The following FER variants were observed in gnomAD, a reference collection of about 807,000 sequenced individuals.
FER encodes the protein tyrosine-protein kinase Fer.
Under a neutral mutation model 111.0 loss-of-function variants are expected in FER, and 63 were observed. The ratio of observed to expected loss-of-function variants is 0.57; its 90% CI spans 0.46 to 0.70. The LOEUF is 0.70. FER is among the 30% of genes least tolerant of loss of function. FER has a pLI of 0.00. For synonymous variants in FER, 327 were observed against 313.9 expected (o/e 1.04, Z -0.44); for missense variants, 914 against 954.0 (o/e 0.96, Z 0.55).
chr5:108,883,014 G>C (rs181601556), intron 8 of FER, among the ~76,000 whole-genome samples: 1 of 151,854 alleles, frequency 6.6e-6, no homozygotes, highest in East Asian at 1.9e-4. Context: ...GTTGTGAAGA[G>C]TAAATGAGAT....
intron 5 of FER, among the ~76,000 whole-genome samples, chr5:108,859,386 C>T (rs1319529828): frequency 2.6e-5 from 4 of 152,112 alleles, no homozygotes; most frequent in African/African-American, 9.7e-5. Context: ...AACCAACCCA[C>T]CCAACAGCAT....
intron 17 of FER, among the ~76,000 whole-genome samples, chr5:109,107,559 C>G (rs371953969): frequency 6.6e-6 from 1 of 152,060 alleles, no homozygotes; most frequent in South Asian, 2.1e-4. Context: ...ATTTAGCTCA[C>G]ACTTATAAGT....
chr5:109,100,334 T>C (rs568441788), intron 16 of FER, 62 bp from the exon 17 acceptor site: 1,103 of 1,583,282 alleles, frequency 7.0e-4, no homozygotes, highest in Non-Finnish European at 9.0e-4. Context: ...TAGATCCAAA[T>C]AGATGATAAA....
intron 10 of FER, among the ~76,000 whole-genome samples, chr5:108,900,616 T>G (rs1168217617): frequency 4.6e-5 from 7 of 152,160 alleles, no homozygotes; most frequent in Non-Finnish European, 1.0e-4. Context: ...TAAATATTAT[T>G]TGAGAGCAGG....
chr5:108,809,632 A>G lies in FER; in HGVS notation c.207+11243A>G, dbSNP rs925915798. Among the ~76,000 whole-genome samples, 7 of 152,266 alleles carry G rather than the reference A, an allele frequency of 4.6e-5. No individual in the cohort carries two copies. In the East Asian group the frequency reaches 1.2e-3, roughly 25 times the overall value. ...GGCTGGTGTGCAGTGGCATGATCAC[A>G]GCTCTCTTCAGCCTTGATCTTCTGG... On this transcript the variant is annotated intron_variant, in intron 3 of 19. Coordinates refer to ENST00000281092, the MANE Select transcript of FER (RefSeq NM_005246.4).
At chr5:108,857,146 A>G (rs1027572081) in intron 5 of FER, among the ~76,000 whole-genome samples, 3 of 152,114 alleles carry the variant, frequency 2.0e-5, no homozygotes, top group Non-Finnish European at 4.4e-5. Context: ...TATGTGGTGC[A>G]TACATATATA....
chr5:109,165,593 GGTGTGTGTGTGTGTGTGT>G lies in FER; in HGVS notation c.2049-15125_2049-15108del, dbSNP rs66749153. ...ACCACACAGGTGGGAGGAGGGAACT[GGTGTGTGTGTGTGTGTGT>G]GTGTGTGTGTGTGTGTGTGTGTGTG... On this transcript the variant is annotated intron_variant, in intron 17 of 19. Transcript: ENST00000281092. Among the ~76,000 whole-genome samples the G allele has an allele frequency of 6.3e-4, 90 of 142,350 alleles. 1 individual carries two copies. The South Asian group carries it at 9.2e-3, about 15-fold the overall frequency. 93.4% of individuals were successfully genotyped at this position (142,350 alleles called of 152,430 possible).
chr5:109,067,474 C>T (rs961691400), intron 16 of FER, among the ~76,000 whole-genome samples: 1 of 152,114 alleles, frequency 6.6e-6, no homozygotes, highest in South Asian at 2.1e-4. Context: ...GAGACACATG[C>T]ATATACATCT....
In FER at chr5:108,962,146, T is replaced by A. The variant is rs193167766; in HGVS notation, c.1656+2799T>A. Among the ~76,000 whole-genome samples the A allele has an allele frequency of 2.9e-3, 448 of 152,298 alleles. 1 individual carries two copies. The highest frequency in any genetic ancestry group is 4.9e-3 in the Non-Finnish European group (335 of 68,018). ...CGAAAACTAGACAGGATTAAATTGTTTAACTTTCTCACTTTATGAAAACTA... is the reference window on the plus strand; with the variant it reads ...CGAAAACTAGACAGGATTAAATTGTATAACTTTCTCACTTTATGAAAACTA... On this transcript the variant is annotated intron_variant, in intron 13 of 19. Coordinates refer to ENST00000281092, the MANE Select transcript of FER (RefSeq NM_005246.4).
At chr5:108,776,192 A>C (rs1753464209) in intron 2 of FER, among the ~76,000 whole-genome samples, 1 of 152,190 alleles carries the variant, frequency 6.6e-6, no homozygotes. Context: ...GTTAATAAGA[A>C]TATATGTTGG....
At chr5:109,123,331 T>C (rs931499964) in intron 17 of FER, among the ~76,000 whole-genome samples, 1 of 151,940 alleles carries the variant, frequency 6.6e-6, no homozygotes, top group Non-Finnish European at 1.5e-5. Flanking sequence ...AATTTTTTTG[T>C]ATTTTTATTA....
At chr5:109,000,223 A>T (rs1349444155) in intron 13 of FER, among the ~76,000 whole-genome samples, 1 of 151,890 alleles carries the variant, frequency 6.6e-6, no homozygotes, top group African/African-American at 2.4e-5. Context: ...GTTTATATTA[A>T]AATGTAAAAC....
intron 13 of FER, among the ~76,000 whole-genome samples, chr5:108,999,698 A>G (rs897562646): frequency 1.6e-4 from 16 of 102,794 alleles, no homozygotes; most frequent in Admixed American, 1.2e-3. Flanking sequence ...CACCTTTACC[A>G]TTCTTACTAT....
chr5:108,983,740 A>T (rs1762253173), intron 13 of FER, among the ~76,000 whole-genome samples: 1 of 152,136 alleles, frequency 6.6e-6, no homozygotes, highest in South Asian at 2.1e-4. Flanking sequence ...GAGGAGCAAG[A>T]GACATATGGT....
chr5:108,956,252 G>C (rs888502933), intron 12 of FER, among the ~76,000 whole-genome samples: 5 of 151,442 alleles, frequency 3.3e-5, no homozygotes, highest in Admixed American at 2.0e-4. Context: ...TACAATTTGC[G>C]ACCATATTGC....
chr5:108,933,166 C>T (rs1449252328), intron 10 of FER, among the ~76,000 whole-genome samples: 1 of 152,062 alleles, frequency 6.6e-6, no homozygotes, highest in Non-Finnish European at 1.5e-5. Context: ...GAAGTGTTTG[C>T]CCATGCCTAT....
At chr5:108,874,148 C>T (rs1426094796) in intron 8 of FER, among the ~76,000 whole-genome samples, 2 of 152,064 alleles carry the variant, frequency 1.3e-5, no homozygotes, top group Non-Finnish European at 2.9e-5. Flanking sequence ...TTTTAATAAA[C>T]ACCAGAAAGA....
chr5:108,990,787 G>A (rs1207827195), intron 13 of FER, among the ~76,000 whole-genome samples: 1 of 151,442 alleles, frequency 6.6e-6, no homozygotes, highest in Non-Finnish European at 1.5e-5. Context: ...TTAAAATGAA[G>A]GAAGCTTAAA....
chr5:108,981,666 T>C (rs1284023355), intron 13 of FER, among the ~76,000 whole-genome samples: 1 of 152,130 alleles, frequency 6.6e-6, no homozygotes, highest in African/African-American at 2.4e-5. Flanking sequence ...CTAAGTGCTT[T>C]ACTCATTAAA....
Sources: gnomAD v4.1 joint callset for allele counts (sites outside exome capture counted in the v4.1 genomes callset) on GRCh38, gnomAD v4.1.1 for gene constraint, MANE v1.5 for transcripts, NCBI Gene and HGNC (gene_info 2026-07-23, HGNC 2026-07-21) for gene names.